The following MTA3 variants were observed in gnomAD, a reference collection of about 807,000 sequenced individuals.
The protein encoded by MTA3 is metastasis associated 1 family member 3, also known as metastasis-associated protein MTA3.
MTA3 carries 34 observed loss-of-function variants against 83.5 expected under a neutral mutation model. The observed-to-expected ratio is 0.41, with a 90% CI of 0.31 to 0.54. The LOEUF (loss-of-function observed/expected upper bound fraction) is 0.54. MTA3 is among the 20% of genes least tolerant of loss of function. The pLI, the probability that MTA3 is intolerant of heterozygous loss-of-function variation, is 0.33. For missense variants in MTA3, 761 were observed against 726.4 expected, an observed-to-expected ratio of 1.05 and a Z score of -0.55; for synonymous variants, 303 against 252.7, an observed-to-expected ratio of 1.20 and a Z score of -1.89.
intron 16 of MTA3, among the ~76,000 whole-genome samples, chr2:42,750,543 G>A (rs1669793458): frequency 6.6e-6 from 1 of 152,180 alleles, no homozygotes; most frequent in Admixed American, 6.5e-5. Flanking sequence ...TTGGCCTGGT[G>A]TTTGGACGAT....
rs188476736 is a variant in MTA3 at position 42,748,098 on chromosome 2, A to C, written c.1760-5276A>C. Among the ~76,000 whole-genome samples the C allele has an allele frequency of 1.0e-3, 156 of 151,934 alleles. 1 individual carries two copies. The highest frequency in any genetic ancestry group is 3.5e-3 in the African/African-American group (145 of 41,430). ...GGTGGGAGTGCAGTGGCGCGATCTCAGCTCTCTGCAACCTCTGCCTCCTGG... is the reference window on the plus strand; with the variant it reads ...GGTGGGAGTGCAGTGGCGCGATCTCCGCTCTCTGCAACCTCTGCCTCCTGG... On this transcript the variant is annotated intron_variant, in intron 16 of 16. Coordinates refer to ENST00000405094, the MANE Select transcript of MTA3 (RefSeq NM_001330442.2).
At chr2:42,599,953 T>A (rs1193314613) in intron 3 of MTA3, among the ~76,000 whole-genome samples, 3 of 152,004 alleles carry the variant, frequency 2.0e-5, no homozygotes, top group Non-Finnish European at 4.4e-5. Context: ...TCCCAGCACT[T>A]TGGGAGGCCG....
At chr2:42,670,810 A>G (rs1402621195) in intron 8 of MTA3, among the ~76,000 whole-genome samples, 1 of 151,740 alleles carries the variant, frequency 6.6e-6, no homozygotes, top group Non-Finnish European at 1.5e-5. Flanking sequence ...ATGTCCCTCT[A>G]CTGCTAAATA....
At chr2:42,664,028 C>G (rs749738438) in intron 8 of MTA3, among the ~76,000 whole-genome samples, 27 of 152,126 alleles carry the variant, frequency 1.8e-4, no homozygotes, top group Admixed American at 2.6e-4. Flanking sequence ...GGGTTTGGAT[C>G]TGCACTTGAT....
chr2:42,568,710 G>C lies in MTA3; in HGVS notation c.-36G>C. 2.5e-6 allele frequency: 3 copies of C among 1,208,142 alleles called. No individual in the cohort carries two copies. The highest frequency in any genetic ancestry group is 4.1e-5 in the South Asian group (1 of 24,234). 74.8% of individuals were successfully genotyped at this position (1,208,142 alleles called of 1,614,324 possible). A position where few individuals can be genotyped will look rare whatever the true frequency, so the allele number is the denominator to read the frequency against. Reference sequence around the variant, plus strand: ...GAGGAGGAGGCGGCGGCGGCGGGCGGGGCTCGGCTCGGGCTCCGCGGGCGG... The same window carrying C: ...GAGGAGGAGGCGGCGGCGGCGGGCGCGGCTCGGCTCGGGCTCCGCGGGCGG... On this transcript the variant is annotated 5_prime_UTR_variant, in exon 1 of 17. Coordinates refer to ENST00000405094, the MANE Select transcript of MTA3 (RefSeq NM_001330442.2).
intron 8 of MTA3, among the ~76,000 whole-genome samples, chr2:42,672,767 T>C (rs1690941068): frequency 6.6e-6 from 1 of 151,618 alleles, no homozygotes; most frequent in Non-Finnish European, 1.5e-5. Flanking sequence ...AGCAAGTTTG[T>C]TGGATGAGGG....
At chr2:42,509,631 C>T (rs1674804103) in intron 2 of MTA3, among the ~76,000 whole-genome samples, 2 of 151,748 alleles carry the variant, frequency 1.3e-5, no homozygotes, top group Non-Finnish European at 2.9e-5. Flanking sequence ...ATTAGCCAGG[C>T]GTGGTGGCAT....
intron 14 of MTA3, among the ~76,000 whole-genome samples, chr2:42,714,784 G>C (rs745848711): frequency 4.0e-4 from 61 of 152,154 alleles, no homozygotes; most frequent in Admixed American, 1.3e-3. Context: ...GCATTAGTTA[G>C]AGGCTCATAA....
intron 2 of MTA3, among the ~76,000 whole-genome samples, chr2:42,540,991 G>A (rs183905676): frequency 3.3e-4 from 50 of 151,864 alleles, no homozygotes; most frequent in Non-Finnish European, 5.6e-4. Context: ...CTTCATGATG[G>A]TACAAAAGCC....
At chr2:42,608,498 GA>G (rs1023276185) in intron 3 of MTA3, among the ~76,000 whole-genome samples, 1 of 152,158 alleles carries the variant, frequency 6.6e-6, no homozygotes, top group African/African-American at 2.4e-5. Context: ...TTAAAAGTTT[GA>G]AAGTAGAAAA....
intron 6 of MTA3, among the ~76,000 whole-genome samples, chr2:42,650,973 C>T (rs948942823): frequency 2.0e-5 from 3 of 152,088 alleles, no homozygotes; most frequent in Non-Finnish European, 4.4e-5. Context: ...CATCATAGAG[C>T]GTAATTCCAC....
chr2:42,645,300 G>A (rs2104319555), intron 6 of MTA3, among the ~76,000 whole-genome samples: 1 of 152,142 alleles, frequency 6.6e-6, no homozygotes, highest in Admixed American at 6.5e-5. Context: ...CGCAGCAGGT[G>A]GATTACTTGA....
At chr2:42,525,582 T>C (rs1675661940) in intron 2 of MTA3, among the ~76,000 whole-genome samples, 2 of 137,150 alleles carry the variant, frequency 1.5e-5, no homozygotes, top group African/African-American at 5.7e-5. Context: ...TTCCTTCCCC[T>C]TCCTTCCTTT....
chr2:42,686,470 T>C (rs187425728), intron 9 of MTA3, among the ~76,000 whole-genome samples: 2 of 152,108 alleles, frequency 1.3e-5, no homozygotes, highest in African/African-American at 2.4e-5. Context: ...GAGGATCACT[T>C]GAGCCCAGGA....
intron 8 of MTA3, among the ~76,000 whole-genome samples, chr2:42,670,387 A>G (rs1399902732): frequency 6.6e-6 from 1 of 152,072 alleles, no homozygotes; most frequent in East Asian, 1.9e-4. Flanking sequence ...CTTTATTATT[A>G]TTATTGTCAA....
chr2:42,562,284 G>T (rs1477341256), intron 2 of MTA3, among the ~76,000 whole-genome samples: 2 of 152,060 alleles, frequency 1.3e-5, no homozygotes, highest in East Asian at 3.9e-4. Flanking sequence ...TTCTGGGTGG[G>T]CATGTCTTTT....
At chr2:42,688,098 G>A (rs1472297840) in intron 9 of MTA3, among the ~76,000 whole-genome samples, 1 of 152,196 alleles carries the variant, frequency 6.6e-6, no homozygotes, top group Non-Finnish European at 1.5e-5. Flanking sequence ...TCAGGATTCA[G>A]TTAGAAAAAC....
At chr2:42,603,935 G>C (rs1190108482) in intron 3 of MTA3, among the ~76,000 whole-genome samples, 1 of 152,102 alleles carries the variant, frequency 6.6e-6, no homozygotes, top group Non-Finnish European at 1.5e-5. Flanking sequence ...ATTTTTAGTA[G>C]ATACGGAGCT....
At chr2:42,659,090 C>T (rs995391081) in intron 7 of MTA3, among the ~76,000 whole-genome samples, 3 of 151,666 alleles carry the variant, frequency 2.0e-5, no homozygotes, top group African/African-American at 7.3e-5. Flanking sequence ...AGAGTGAGAC[C>T]CTGTCTCAAA....
Sources: gnomAD v4.1 joint callset for allele counts (sites outside exome capture counted in the v4.1 genomes callset) on GRCh38, gnomAD v4.1.1 for gene constraint, MANE v1.5 for transcripts, NCBI Gene and HGNC (gene_info 2026-07-23, HGNC 2026-07-21) for gene names.